The following EPHB1 variants were observed in gnomAD, a reference collection of about 807,000 sequenced individuals.
The protein encoded by EPHB1 is ephrin type-B receptor 1.
Under a neutral mutation model 94.4 loss-of-function variants are expected in EPHB1, and 30 were observed. The observed-to-expected ratio is 0.32, with a 90% CI of 0.24 to 0.43. The LOEUF is 0.43. Among genes scored for constraint, EPHB1 ranks in the 20% least tolerant of loss-of-function variants. The pLI is 1.00. For synonymous variants in EPHB1, 522 were observed against 489.1 expected, an observed-to-expected ratio of 1.07 and a Z score of -0.89; for missense variants, 1,055 against 1,308.3, an observed-to-expected ratio of 0.81 and a Z score of 2.99.
At chr3:135,130,414 T>C (rs1439886808) in intron 4 of EPHB1, among the ~76,000 whole-genome samples, 2 of 152,132 alleles carry the variant, frequency 1.3e-5, no homozygotes, top group Non-Finnish European at 2.9e-5. Context: ...AGTGGGGAAG[T>C]AATCAGACTT....
intron 9 of EPHB1, among the ~76,000 whole-genome samples, chr3:135,175,460 A>T (rs1428770044): frequency 6.6e-6 from 1 of 152,236 alleles, no homozygotes; most frequent in Admixed American, 6.5e-5. Context: ...GTTAATCTCA[A>T]CTATAGCATA....
chr3:135,251,239 T>C (rs66645582), intron 15 of EPHB1, among the ~76,000 whole-genome samples: 17,344 of 152,072 alleles, frequency 0.11, 1,086 homozygotes, highest in Middle Eastern at 0.21. Flanking sequence ...CAAAAATAAA[T>C]AAATAGAAAA....
intron 1 of EPHB1, among the ~76,000 whole-genome samples, chr3:134,889,980 A>G (rs966118064): frequency 6.6e-6 from 1 of 152,190 alleles, no homozygotes; most frequent in Non-Finnish European, 1.5e-5. Flanking sequence ...AAAATGTTTC[A>G]GACCTACAAA....
At chr3:135,005,657 C>T (rs889491912) in intron 3 of EPHB1, among the ~76,000 whole-genome samples, 2 of 152,224 alleles carry the variant, frequency 1.3e-5, no homozygotes, top group African/African-American at 4.8e-5. Context: ...ATATAATCTC[C>T]TGGTGCGCTG....
At chr3:135,219,914 G>A (rs1408074599) in intron 12 of EPHB1, among the ~76,000 whole-genome samples, 1 of 152,196 alleles carries the variant, frequency 6.6e-6, no homozygotes, top group Non-Finnish European at 1.5e-5. Context: ...CCTACACAGA[G>A]CAGAATTCCC....
At chr3:134,847,183 A>C (rs1432153459) in intron 1 of EPHB1, among the ~76,000 whole-genome samples, 1 of 151,884 alleles carries the variant, frequency 6.6e-6, no homozygotes, top group Non-Finnish European at 1.5e-5. Flanking sequence ...TGGAAAAAAA[A>C]AACCACAAAG....
chr3:135,003,292 G>A (rs1329158927), intron 3 of EPHB1, among the ~76,000 whole-genome samples: 4 of 151,924 alleles, frequency 2.6e-5, no homozygotes, highest in Admixed American at 6.6e-5. Flanking sequence ...TTAATCCTGA[G>A]TTCTAGTTTG....
intron 3 of EPHB1, among the ~76,000 whole-genome samples, chr3:135,006,474 A>G (rs957070616): frequency 3.3e-5 from 5 of 152,236 alleles, no homozygotes; most frequent in African/African-American, 1.2e-4. Context: ...AATGATAAAT[A>G]TTTAGTTACA....
intron 3 of EPHB1, among the ~76,000 whole-genome samples, chr3:134,959,594 C>G (rs945710280): frequency 6.6e-6 from 1 of 152,192 alleles, no homozygotes; most frequent in African/African-American, 2.4e-5. Context: ...GCACAGGACT[C>G]CATGTCCACT....
At chr3:134,806,911 G>A (rs1159756619) in intron 1 of EPHB1, among the ~76,000 whole-genome samples, 1 of 152,204 alleles carries the variant, frequency 6.6e-6, no homozygotes, top group Non-Finnish European at 1.5e-5. Flanking sequence ...AGAGTGATGG[G>A]CGCAGGCTTG....
intron 1 of EPHB1, among the ~76,000 whole-genome samples, chr3:134,834,443 T>A (rs1468786626): frequency 1.3e-5 from 2 of 152,190 alleles, no homozygotes; most frequent in African/African-American, 4.8e-5. Flanking sequence ...TCTTTTGGAA[T>A]ATGACTGCTG....
At chr3:134,804,261 G>T in intron 1 of EPHB1, among the ~76,000 whole-genome samples, 1 of 151,932 alleles carries the variant, frequency 6.6e-6, no homozygotes. Context: ...TATGGCAGTG[G>T]TAAGAGAAAA....
intron 4 of EPHB1, among the ~76,000 whole-genome samples, chr3:135,119,951 C>G (rs1455602695): frequency 2.6e-5 from 4 of 152,066 alleles, no homozygotes; most frequent in Admixed American, 2.0e-4. Context: ...GTATGTTTGT[C>G]TTTATTCTTT....
At chr3:135,163,564 C>T (rs1295129303) in intron 7 of EPHB1, among the ~76,000 whole-genome samples, 1 of 152,158 alleles carries the variant, frequency 6.6e-6, no homozygotes, top group Non-Finnish European at 1.5e-5. Flanking sequence ...TCCTTAAGGG[C>T]TCTGTCCTCC....
chr3:135,200,740 A>G (rs1942729312), intron 11 of EPHB1, among the ~76,000 whole-genome samples: 3 of 152,196 alleles, frequency 2.0e-5, no homozygotes, highest in Admixed American at 2.0e-4. Context: ...ATATGTGCTA[A>G]GAAGACTAAG....
At chr3:134,802,348 GAA>G (rs558627652) in intron 1 of EPHB1, among the ~76,000 whole-genome samples, 13 of 128,912 alleles carry the variant, frequency 1.0e-4, no homozygotes, top group East Asian at 2.2e-4. Context: ...TCTGTCTCAC[GAA>G]AAAAAAAAAA....
At chr3:135,126,052 A>T (rs561491845) in intron 4 of EPHB1, among the ~76,000 whole-genome samples, 6 of 152,156 alleles carry the variant, frequency 3.9e-5, no homozygotes, top group Non-Finnish European at 7.3e-5. Context: ...TGAATTCTGG[A>T]CCATGCTACT....
intron 1 of EPHB1, among the ~76,000 whole-genome samples, chr3:134,913,215 C>T (rs12495675): frequency 0.19 from 29,331 of 152,006 alleles, 3,245 homozygotes; most frequent in Admixed American, 0.31. Flanking sequence ...CCAGAACACC[C>T]TCAGTGGTGG....
At chr3:135,182,125 T>C (rs535047201) in intron 10 of EPHB1, among the ~76,000 whole-genome samples, 11 of 152,294 alleles carry the variant, frequency 7.2e-5, no homozygotes, top group Admixed American at 2.0e-4. Flanking sequence ...TTTCTCCAGG[T>C]CCTTTTCTCC....
Sources: gnomAD v4.1 joint callset for allele counts (sites outside exome capture counted in the v4.1 genomes callset) on GRCh38, gnomAD v4.1.1 for gene constraint, MANE v1.5 for transcripts, NCBI Gene and HGNC (gene_info 2026-07-23, HGNC 2026-07-21) for gene names.